EPM2A: variants seen among roughly 807,000 people sequenced by gnomAD.
EPM2A encodes the protein laforin.
A neutral mutation model predicts 26.5 loss-of-function variants in EPM2A; 21 were observed. The observed-to-expected ratio is 0.79, with a 90% CI of 0.56 to 1.14. The LOEUF (loss-of-function observed/expected upper bound fraction) is 1.14, where lower values mean the gene tolerates loss of function less well. EPM2A is among the 50% of genes most tolerant of loss of function. The pLI, the probability that EPM2A is intolerant of heterozygous loss-of-function variation, is 0.00. For synonymous variants in EPM2A, 217 were observed against 177.6 expected (o/e 1.22, Z -1.76); for missense variants, 458 against 440.8 (o/e 1.04, Z -0.35).
At chr6:145,708,721 G>A (rs1017307093) in intron 1 of EPM2A, among the ~76,000 whole-genome samples, 1 of 152,202 alleles carries the variant, frequency 6.6e-6, no homozygotes, top group African/African-American at 2.4e-5. Flanking sequence ...AAAAATGTGG[G>A]ATTGGAGCAC....
At chr6:145,670,298 G>A (rs1779550192) in intron 2 of EPM2A, 1 of 151,936 alleles carries the variant, frequency 6.6e-6, no homozygotes, top group Non-Finnish European at 1.5e-5. Context: ...CATCATTCAT[G>A]ACTTATAATA....
intron 4 of EPM2A, among the ~76,000 whole-genome samples, chr6:145,493,026 C>T (rs1779774737): frequency 1.3e-5 from 2 of 152,196 alleles, no homozygotes; most frequent in Non-Finnish European, 2.9e-5. Flanking sequence ...ACTTCCTCTC[C>T]TCAAAGCCTC....
intron 2 of EPM2A, among the ~76,000 whole-genome samples, chr6:145,575,673 T>C (rs1017312565): frequency 6.6e-6 from 1 of 152,202 alleles, no homozygotes; most frequent in East Asian, 1.9e-4. Context: ...TCCTTGCTTC[T>C]CATGAGCAAT....
In EPM2A at chr6:145,683,313, G is replaced by GTGTGTGTGTGTGTA. The variant is rs1178628366; in HGVS notation, c.476+2808_476+2809insTACACACACACACA. 8.9e-3 allele frequency among the ~76,000 whole-genome samples: 1,316 copies of GTGTGTGTGTGTGTA among 147,330 alleles called. 13 individuals are homozygous for GTGTGTGTGTGTGTA. Among genetic ancestry groups the GTGTGTGTGTGTGTA allele is most frequent in the Non-Finnish European group, 0.014 (945 of 66,780 alleles). The stretch of plus-strand genomic sequence containing the variant: ...TGTGTGTGTGTGTGTGTGTGAGTGT[G>GTGTGTGTGTGTGTA]TATATATTAGATTATATATTATACT... On this transcript the variant is annotated intron_variant, in intron 2 of 3. Transcript: ENST00000367519.
chr6:145,721,883 T>C (rs1039233394), intron 1 of EPM2A: 4 of 152,216 alleles, frequency 2.6e-5, no homozygotes, highest in Admixed American at 6.5e-5. Context: ...CTTCATAACA[T>C]TGTAGCTGCT....
At chr6:145,494,333 C>T (rs921236249) in intron 4 of EPM2A, among the ~76,000 whole-genome samples, 1 of 152,054 alleles carries the variant, frequency 6.6e-6, no homozygotes, top group African/African-American at 2.4e-5. Flanking sequence ...GGTAATATCC[C>T]CTTTATCATT....
intron 4 of EPM2A, among the ~76,000 whole-genome samples, chr6:145,455,987 G>A (rs1418757883): frequency 1.3e-5 from 2 of 152,066 alleles, no homozygotes; most frequent in African/African-American, 4.8e-5. Context: ...GATACCCCTT[G>A]GAGAATAAGT....
chr6:145,509,374 C>T (rs1236421195), intron 2 of EPM2A, among the ~76,000 whole-genome samples: 3 of 152,152 alleles, frequency 2.0e-5, no homozygotes, highest in Non-Finnish European at 2.9e-5. Flanking sequence ...GGGAACCCAA[C>T]AGACTAACAC....
rs1488665860 is a variant in EPM2A at position 145,652,831 on chromosome 6, G to C, written c.477-17345C>G. Among the ~76,000 whole-genome samples, 5 of 152,024 alleles carry C rather than the reference G, an allele frequency of 3.3e-5. No individual in the cohort carries two copies. In the East Asian group the frequency reaches 9.7e-4, roughly 30 times the overall value. On this transcript the variant is annotated intron_variant, in intron 2 of 3. Coordinates refer to ENST00000367519, the MANE Select transcript of EPM2A (RefSeq NM_005670.4). The stretch of plus-strand genomic sequence containing the variant: ...GCTTTTCATGTAGTGTGCTTCTACA[G>C]AACTGCCTGCAGCCTCTAAAAGTCC...
chr6:145,591,204 T>C (rs1439241436), intron 2 of EPM2A, among the ~76,000 whole-genome samples: 1 of 151,926 alleles, frequency 6.6e-6, no homozygotes, highest in African/African-American at 2.4e-5. Flanking sequence ...TCAAGAACTA[T>C]AGCAAATTTC....
Position 145,626,984 on chromosome 6 carries a change from C to T in EPM2A, c.*432G>A. On this transcript the variant is annotated 3_prime_UTR_variant, in exon 4 of 4. Transcript: ENST00000367519. ...CCTTATTTCCTCCTTTGGCAACTGA[C>T]CAGCTCACGCACACATACTAGTGAT... The T allele has an allele frequency of 9.5e-7, 1 of 1,049,168 alleles. No individual in the cohort carries two copies. Among genetic ancestry groups the T allele is most frequent in the South Asian group, 3.4e-5 (1 of 29,628 alleles). 65.0% of individuals were successfully genotyped at this position (1,049,168 alleles called of 1,614,324 possible). A position where few individuals can be genotyped will look rare whatever the true frequency, so the allele number is the denominator to read the frequency against.
At chr6:145,727,475 T>C (rs1006640896) in intron 1 of EPM2A, among the ~76,000 whole-genome samples, 8 of 152,026 alleles carry the variant, frequency 5.3e-5, no homozygotes, top group South Asian at 2.1e-4. Flanking sequence ...GGTAATTTAA[T>C]TGAAAGCACC....
In EPM2A at chr6:145,735,330, G is replaced by C; in HGVS notation, c.169C>G (p.Pro57Ala). ...AGDGALALQE[P>A]GLWLGEVELA... The stretch of plus-strand genomic sequence containing the variant: ...TCCACCTCCCCGAGCCACAGGCCCG[G>C]CTCCTGCAGGGCCAGGGCCCCGTCG... The change falls in exon 1 of 4, where the codon CCG (proline) becomes GCG (alanine). Residue 57 changes from proline (P) to alanine (A), a missense_variant. Pro to Ala is a conservative substitution (Grantham distance 27). Transcript: ENST00000367519. The C allele has an allele frequency of 7.1e-7, 1 of 1,403,032 alleles. No individual in the cohort carries two copies. The highest frequency in any genetic ancestry group is 9.3e-7 in the Non-Finnish European group (1 of 1,070,926). 86.9% of individuals were successfully genotyped at this position (1,403,032 alleles called of 1,614,324 possible). A position where few individuals can be genotyped will look rare whatever the true frequency, so the allele number is the denominator to read the frequency against.
intron 4 of EPM2A, among the ~76,000 whole-genome samples, chr6:145,418,779 C>T (rs1778742294): frequency 6.6e-6 from 1 of 152,184 alleles, no homozygotes; most frequent in African/African-American, 2.4e-5. Flanking sequence ...CTGATTCAGA[C>T]TGCCAGTGAA....
chr6:145,650,143 C>G (rs537968407), intron 2 of EPM2A, among the ~76,000 whole-genome samples: 1 of 152,090 alleles, frequency 6.6e-6, no homozygotes, highest in African/African-American at 2.4e-5. Flanking sequence ...GAACGGAAAG[C>G]AATTAGGAAA....
At chr6:145,611,677 A>G (rs1775395157) in intron 2 of EPM2A, among the ~76,000 whole-genome samples, 1 of 152,152 alleles carries the variant, frequency 6.6e-6, no homozygotes, top group Non-Finnish European at 1.5e-5. Context: ...GACAAATGTA[A>G]CAGGTCACTA....
At chr6:145,477,160 G>C (rs971672614) in intron 4 of EPM2A, among the ~76,000 whole-genome samples, 4 of 151,792 alleles carry the variant, frequency 2.6e-5, no homozygotes, top group Non-Finnish European at 5.9e-5. Context: ...GCTACTATGA[G>C]CAACTATATG....
At chr6:145,721,695 TC>T (rs1398516770) in intron 1 of EPM2A, 1 of 152,248 alleles carries the variant, frequency 6.6e-6, no homozygotes, top group African/African-American at 2.4e-5. Flanking sequence ...CAATTCATTC[TC>T]ATATCTCAAA....
intron 4 of EPM2A, among the ~76,000 whole-genome samples, chr6:145,476,109 G>A (rs1779539882): frequency 6.6e-6 from 1 of 151,968 alleles, no homozygotes; most frequent in Admixed American, 6.6e-5. Flanking sequence ...CCAAAACAGA[G>A]CAGGATTTGC....
Sources: allele counts gnomAD v4.1 joint callset (sites outside exome capture counted in the v4.1 genomes callset), GRCh38; gene constraint gnomAD v4.1.1; transcripts MANE v1.5; gene names NCBI Gene and HGNC (gene_info 2026-07-23, HGNC 2026-07-21).